The following PNPT1 variants were observed in gnomAD, a reference collection of about 807,000 sequenced individuals.
PNPT1 encodes polyribonucleotide nucleotidyltransferase 1, also known as polyribonucleotide nucleotidyltransferase 1, mitochondrial.
Under a neutral mutation model 119.5 loss-of-function variants are expected in PNPT1, and 53 were observed. That is an observed-to-expected ratio of 0.44 (90% confidence interval 0.36 to 0.56). The LOEUF (loss-of-function observed/expected upper bound fraction) is 0.56. Among genes scored for constraint, PNPT1 ranks in the 20% least tolerant of loss-of-function variants. PNPT1 has a pLI of 0.00. For synonymous variants in PNPT1, 357 were observed against 322.1 expected, an observed-to-expected ratio of 1.11 and a Z score of -1.16; for missense variants, 948 against 938.5, an observed-to-expected ratio of 1.01 and a Z score of -0.13.
chr2:55,693,553 G>A, intron 1 of PNPT1, 110 bp downstream of exon 1: 3 of 1,460,470 alleles, frequency 2.1e-6, no homozygotes, highest in Admixed American at 2.0e-5. Flanking sequence ...AGGGTAAGGA[G>A]AGATTAAATA....
intron 8 of PNPT1, among the ~76,000 whole-genome samples, chr2:55,677,031 G>T (rs1431577461): frequency 6.6e-6 from 1 of 152,178 alleles, no homozygotes; most frequent in African/African-American, 2.4e-5. Context: ...ATGCATATTT[G>T]ATGCATCTTT....
chr2:55,670,157 T>C (rs2104116735), intron 11 of PNPT1, among the ~76,000 whole-genome samples: 1 of 152,086 alleles, frequency 6.6e-6, no homozygotes, highest in South Asian at 2.1e-4. Flanking sequence ...TCAGTTTGTG[T>C]GAGGTTGGTA....
chr2:55,671,949 T>A (rs753280316), intron 10 of PNPT1, 46 bp downstream of exon 10: 1 of 1,413,282 alleles, frequency 7.1e-7, no homozygotes, highest in South Asian at 1.3e-5. Flanking sequence ...ATGACAAAAA[T>A]GTATTCCTAG....
At chr2:55,691,797 C>A (rs1026709108) in intron 1 of PNPT1, among the ~76,000 whole-genome samples, 1 of 145,964 alleles carries the variant, frequency 6.9e-6, no homozygotes, top group Non-Finnish European at 1.5e-5. Context: ...CTAGGGGTGA[C>A]CAAACTACAG....
Position 55,634,803 on chromosome 2 carries a change from GCCTTGA to G in PNPT1, c.*1428_*1433del, listed in dbSNP as rs1412771686. The G allele has an allele frequency of 6.6e-6, 1 of 152,026 alleles. No individual in the cohort carries two copies. The highest frequency in any genetic ancestry group is 2.4e-5 in the African/African-American group (1 of 41,358). 9.4% of individuals were successfully genotyped at this position (152,026 alleles called of 1,614,324 possible). ...ACTCCTGACCTCAGGTGATCTACCC[GCCTTGA>G]CCTCCCAAAGTGTTGGGATTACAGG... is the stretch of plus-strand genomic sequence containing the variant. On this transcript the variant is annotated 3_prime_UTR_variant, in exon 28 of 28. Transcript: ENST00000447944.
At chr2:55,683,730 T>A (rs1358163435) in intron 5 of PNPT1, 55 bp downstream of exon 5, 5 of 1,461,078 alleles carry the variant, frequency 3.4e-6, no homozygotes, top group Non-Finnish European at 3.8e-6. Context: ...TTACAGAGAT[T>A]CATTAAGTAA....
intron 3 of PNPT1, among the ~76,000 whole-genome samples, chr2:55,685,797 T>C (rs897722451): frequency 6.6e-6 from 1 of 152,210 alleles, no homozygotes; most frequent in Admixed American, 6.5e-5. Context: ...GCTCAAATCC[T>C]TGATGTAAAA....
At chr2:55,661,930 A>G in intron 14 of PNPT1, 26 bp downstream of exon 14, 2 of 1,531,626 alleles carry the variant, frequency 1.3e-6, no homozygotes, top group Non-Finnish European at 1.8e-6. Flanking sequence ...ATAAAACGTA[A>G]CAAACATCTT....
intron 18 of PNPT1, among the ~76,000 whole-genome samples, chr2:55,652,117 C>G (rs1173183313): frequency 2.6e-5 from 4 of 152,166 alleles, no homozygotes; most frequent in African/African-American, 9.7e-5. Context: ...TATGCTCAGC[C>G]TAGTTCAACA....
intron 5 of PNPT1, among the ~76,000 whole-genome samples, chr2:55,682,988 T>C (rs1360506679): frequency 1.3e-5 from 2 of 152,238 alleles, no homozygotes; most frequent in South Asian, 2.1e-4. Context: ...GGTGTATTTA[T>C]TTATTTCAAA....
At position 55,665,628 on chromosome 2, in the gene PNPT1, CACAACTCTAGGGG is replaced by C. The variant is rs143153346; in HGVS notation, c.1176+1350_1176+1362del. The stretch of plus-strand genomic sequence containing the variant: ...AACCTGAGGCAAGGCCACCACACTG[CACAACTCTAGGGG>C]ACAACATTCATGTGGAAATAGTGCC... On this transcript the variant is annotated intron_variant, in intron 13 of 27. Coordinates refer to ENST00000447944, the MANE Select transcript of PNPT1 (RefSeq NM_033109.5). 7.5e-3 allele frequency among the ~76,000 whole-genome samples: 1,139 copies of C among 152,310 alleles called. 20 individuals carry two copies. The highest frequency in any genetic ancestry group is 0.026 in the African/African-American group (1,081 of 41,572).
At chr2:55,648,610 T>C (rs1696078050) in intron 18 of PNPT1, among the ~76,000 whole-genome samples, 2 of 152,228 alleles carry the variant, frequency 1.3e-5, no homozygotes, top group South Asian at 4.1e-4. Flanking sequence ...AACCTATTTA[T>C]ATGTCTTATT....
rs1395952796 is a variant in PNPT1 at position 55,680,767 on chromosome 2, A to C, written c.518-8T>G. ...ATGAGAGGGCTACGGAAGCTTAAAA[A>C]AGGAGAAAAATCAGGGCCGAAATTA... is the stretch of plus-strand genomic sequence containing the variant. On this transcript the variant is annotated splice_region_variant and splice_polypyrimidine_tract_variant and intron_variant, in intron 6 of 27. Coordinates refer to ENST00000447944, the MANE Select transcript of PNPT1 (RefSeq NM_033109.5). 8 of 1,613,626 alleles carry C rather than the reference A, an allele frequency of 5.0e-6. No individual in the cohort carries two copies. The highest frequency in any genetic ancestry group is 6.8e-6 in the Non-Finnish European group (8 of 1,179,874).
Position 55,693,654 on chromosome 2 carries a change from A to G in PNPT1, c.161+9T>C. On this transcript the variant is annotated intron_variant, in intron 1 of 27. Coordinates refer to ENST00000447944, the MANE Select transcript of PNPT1 (RefSeq NM_033109.5). ...TATGACAATACAGTGAACGCACGTCACTCCTTACCTGTTGCCTAAGTCCAC... is the reference window on the plus strand; with the variant it reads ...TATGACAATACAGTGAACGCACGTCGCTCCTTACCTGTTGCCTAAGTCCAC... The G allele has an allele frequency of 6.2e-7, 1 of 1,613,722 alleles. No homozygotes were observed. Among genetic ancestry groups the G allele is most frequent in the Non-Finnish European group, 8.5e-7 (1 of 1,179,782 alleles).
chr2:55,693,481 G>A (rs1334168040), intron 1 of PNPT1, among the ~76,000 whole-genome samples, 182 bp downstream of exon 1: 1 of 152,182 alleles, frequency 6.6e-6, no homozygotes, highest in Non-Finnish European at 1.5e-5. Context: ...GACATAGCGC[G>A]GGAAGGAGGG....
chr2:55,682,873 G>C (rs557700943), intron 5 of PNPT1, among the ~76,000 whole-genome samples: 12 of 152,210 alleles, frequency 7.9e-5, no homozygotes, highest in African/African-American at 2.9e-4. Context: ...CATGCCAACT[G>C]TACTCCAGCC....
chr2:55,678,937 TCCCA>T (rs1697165369), intron 8 of PNPT1, among the ~76,000 whole-genome samples: 1 of 152,194 alleles, frequency 6.6e-6, no homozygotes, highest in Non-Finnish European at 1.5e-5. Context: ...ATCAAAATGT[TCCCA>T]CATCAGAAGA....
chr2:55,685,175 T>G (rs1032874955), intron 3 of PNPT1, 127 bp from the exon 4 acceptor site: 5 of 601,212 alleles, frequency 8.3e-6, no homozygotes, highest in Admixed American at 4.1e-5. Context: ...TGTTATTTAC[T>G]TAGCATTTTG....
chr2:55,669,900 A>G (rs1448381533), intron 11 of PNPT1, among the ~76,000 whole-genome samples: 1 of 151,860 alleles, frequency 6.6e-6, no homozygotes, highest in Non-Finnish European at 1.5e-5. Flanking sequence ...CTGGGATTAC[A>G]GGAGCCTGCC....
Sources: allele counts gnomAD v4.1 joint callset (sites outside exome capture counted in the v4.1 genomes callset), GRCh38; gene constraint gnomAD v4.1.1; transcripts MANE v1.5; gene names NCBI Gene and HGNC (gene_info 2026-07-23, HGNC 2026-07-21).